The following WDR49 variants were observed in gnomAD, a reference collection of about 807,000 sequenced individuals.
The protein encoded by WDR49 is cilia- and flagella-associated protein 337.
A neutral mutation model predicts 119.5 loss-of-function variants in WDR49; 107 were observed. The observed-to-expected ratio is 0.90, with a 90% CI of 0.77 to 1.05. The LOEUF is 1.05. Among genes scored for constraint, WDR49 ranks in the 50% least tolerant of loss-of-function variants. WDR49 has a pLI of 0.00. For missense variants in WDR49, 1,240 were observed against 1,220.5 expected (o/e 1.02, Z -0.24); for synonymous variants, 425 against 418.8 (o/e 1.01, Z -0.18).
At position 167,626,988 on chromosome 3, in the gene WDR49, G is replaced by T. The variant is rs1445448086; in HGVS notation, c.470C>A (p.Thr157Lys). Residue 157 changes from threonine to lysine, a missense_variant, in exon 3 of 19, where the codon ACA becomes AAA. By Grantham distance (78) the Thr-to-Lys change is moderately conservative. Transcript: ENST00000682715. ...IFLKNSSHYL[T>K]ISKEGLLAIW... ...TGCCAATAAACCTTCTTTACTAATT[G>T]TCAGATAATGACTTGAATTTTTTAA... is the stretch of plus-strand genomic sequence containing the variant. The T allele has an allele frequency of 1.5e-6, 2 of 1,337,282 alleles. No individual in the cohort carries two copies. Among genetic ancestry groups the T allele is most frequent in the East Asian group, 5.6e-5 (2 of 35,658 alleles). The allele number at this position is 1,337,282 out of a possible 1,614,324, so 82.8% of individuals were successfully genotyped here. A position where few individuals can be genotyped will look rare whatever the true frequency, so the allele number is the denominator to read the frequency against.
At position 167,528,107 on chromosome 3, in the gene WDR49, A is replaced by G. The variant is rs1752702105; in HGVS notation, c.2407-90T>C. ...ACTTTTAAAAAAAGGCCGATTTTCAAACTTGGGAACAATAACCTATGATCC... is the reference window on the plus strand; with the variant it reads ...ACTTTTAAAAAAAGGCCGATTTTCAGACTTGGGAACAATAACCTATGATCC... On this transcript the variant is annotated intron_variant, in intron 14 of 18. Coordinates refer to ENST00000682715, the MANE Select transcript of WDR49 (RefSeq NM_001366157.1). The G allele has an allele frequency of 3.6e-6, 4 of 1,104,018 alleles. No homozygotes were observed. In the South Asian group the frequency reaches 5.0e-5, roughly 14 times the overall value. The allele number at this position is 1,104,018 out of a possible 1,614,324, so 68.4% of individuals were successfully genotyped here. A position where few individuals can be genotyped will look rare whatever the true frequency, so the allele number is the denominator to read the frequency against.
At chr3:167,525,961 A>T (rs1272586920) in intron 15 of WDR49, among the ~76,000 whole-genome samples, 1 of 149,466 alleles carries the variant, frequency 6.7e-6, no homozygotes, top group African/African-American at 2.5e-5. Flanking sequence ...TTTGCTCTAC[A>T]TCTTGGGACT....
chr3:167,656,829 T>C (rs1718616566), upstream of WDR49, among the ~76,000 whole-genome samples: 1 of 152,202 alleles, frequency 6.6e-6, no homozygotes, highest in Admixed American at 6.5e-5. Flanking sequence ...TCAAGTATGA[T>C]ATTGTGAAAA....
intron 6 of WDR49, among the ~76,000 whole-genome samples, chr3:167,602,577 G>A (rs1715829299): frequency 6.6e-6 from 1 of 151,936 alleles, no homozygotes; most frequent in South Asian, 2.1e-4. Flanking sequence ...TAACCAGGAG[G>A]GGACAGAATC....
At chr3:167,559,655 C>A (rs1713144701) in intron 9 of WDR49, among the ~76,000 whole-genome samples, 1 of 152,228 alleles carries the variant, frequency 6.6e-6, no homozygotes, top group South Asian at 2.1e-4. Context: ...AAATTTGCAT[C>A]TATGCCATTT....
intron 16 of WDR49, among the ~76,000 whole-genome samples, chr3:167,507,952 T>C (rs1215854328): frequency 6.6e-6 from 1 of 150,954 alleles, no homozygotes; most frequent in African/African-American, 2.5e-5. Context: ...AGAAGCAGAA[T>C]AATGTAATAC....
At chr3:167,484,302 G>GTTCTCCCTC (rs1750840240) in intron 18 of WDR49, among the ~76,000 whole-genome samples, 1 of 152,102 alleles carries the variant, frequency 6.6e-6, no homozygotes, top group Non-Finnish European at 1.5e-5. Flanking sequence ...GTTGTGGGGT[G>GTTCTCCCTC]AGGGGACAGG....
intron 2 of WDR49, among the ~76,000 whole-genome samples, chr3:167,644,622 T>C (rs374715684): frequency 1.3e-5 from 2 of 152,164 alleles, no homozygotes; most frequent in East Asian, 3.9e-4. Context: ...TTGTAAGTGA[T>C]ATTACAATCA....
chr3:167,583,408 A>AC (rs1206557116), intron 7 of WDR49, among the ~76,000 whole-genome samples: 7 of 151,908 alleles, frequency 4.6e-5, no homozygotes, highest in Non-Finnish European at 1.0e-4. Context: ...ATAAAACATA[A>AC]TTTTTGGCTA....
chr3:167,527,507 C>T (rs751706642), intron 15 of WDR49, among the ~76,000 whole-genome samples: 41 of 151,800 alleles, frequency 2.7e-4, no homozygotes, highest in African/African-American at 9.2e-4. Flanking sequence ...ATTTTATCCA[C>T]GTTGAACTTT....
chr3:167,596,351 C>G (rs1350316780), intron 7 of WDR49, among the ~76,000 whole-genome samples: 1 of 148,616 alleles, frequency 6.7e-6, no homozygotes, highest in Non-Finnish European at 1.5e-5. Flanking sequence ...ACCATTTGAC[C>G]CAGCCATCCC....
intron 16 of WDR49, among the ~76,000 whole-genome samples, chr3:167,515,591 C>T (rs1398244208): frequency 6.6e-6 from 1 of 152,114 alleles, no homozygotes; most frequent in East Asian, 1.9e-4. Context: ...ACAAAGATGC[C>T]CTTTCTCACC....
intron 11 of WDR49, among the ~76,000 whole-genome samples, chr3:167,535,620 C>A (rs1489661145): frequency 2.0e-5 from 3 of 151,900 alleles, no homozygotes; most frequent in Non-Finnish European, 2.9e-5. Flanking sequence ...AGATATGGGG[C>A]AGAGGAAACA....
intron 16 of WDR49, among the ~76,000 whole-genome samples, chr3:167,507,453 G>A (rs975827307): frequency 1.3e-5 from 2 of 152,206 alleles, no homozygotes; most frequent in African/African-American, 4.8e-5. Context: ...GTTGGATACT[G>A]AAAGCATGGA....
chr3:167,575,242 G>A (rs1304665626), intron 8 of WDR49: 23 of 985,832 alleles, frequency 2.3e-5, no homozygotes, highest in Non-Finnish European at 2.6e-5. Flanking sequence ...GCCCCACACT[G>A]AGCTCACTGG....
intron 10 of WDR49, among the ~76,000 whole-genome samples, chr3:167,551,185 A>G (rs1427483486): frequency 1.3e-5 from 2 of 152,008 alleles, no homozygotes; most frequent in Non-Finnish European, 2.9e-5. Flanking sequence ...CATATTTACC[A>G]TATTCTGCCT....
chr3:167,532,806 G>C, intron 12 of WDR49, 73 bp downstream of exon 12: 1 of 1,009,678 alleles, frequency 9.9e-7, no homozygotes, highest in Non-Finnish European at 1.5e-6. Context: ...AGTCGCATCA[G>C]GCACATGCAT....
chr3:167,607,935 G>A (rs906897497), intron 5 of WDR49, among the ~76,000 whole-genome samples: 4 of 151,968 alleles, frequency 2.6e-5, no homozygotes, highest in Non-Finnish European at 5.9e-5. Context: ...GAGGAAAAAA[G>A]GGACGGAGGG....
In WDR49 at chr3:167,560,138, C is replaced by T. The variant is rs747124354; in HGVS notation, c.1600G>A (p.Ala534Thr). 26 of 1,614,052 alleles carry T rather than the reference C, an allele frequency of 1.6e-5. No homozygotes were observed. Among genetic ancestry groups the T allele is most frequent in the African/African-American group, 6.7e-5 (5 of 74,916 alleles). ...TCAAGGGCCATAGTGCTGATTTCTGCGTTGCCGTGGCAACCAGTAAACTGT... is the reference window on the plus strand; with the variant it reads ...TCAAGGGCCATAGTGCTGATTTCTGTGTTGCCGTGGCAACCAGTAAACTGT... ...IKQFTGCHGN[A>T]EISTMALDAN... Residue 534 changes from alanine to threonine, a missense_variant, in exon 9 of 19, where the codon GCA (alanine) becomes ACA (threonine). Ala to Thr is a moderately conservative substitution (Grantham distance 58). Transcript: ENST00000682715.
Sources: gnomAD v4.1 joint callset for allele counts (sites outside exome capture counted in the v4.1 genomes callset) on GRCh38, gnomAD v4.1.1 for gene constraint, MANE v1.5 for transcripts, NCBI Gene and HGNC (gene_info 2026-07-23, HGNC 2026-07-21) for gene names.